The following CNTN5 variants were observed in gnomAD, a reference collection of about 807,000 sequenced individuals.
CNTN5 encodes contactin-5.
CNTN5 carries 77 observed loss-of-function variants against 129.1 expected under a neutral mutation model. The observed-to-expected ratio is 0.60, with a 90% CI of 0.50 to 0.72. The LOEUF is 0.72. Among genes scored for constraint, CNTN5 ranks in the 30% least tolerant of loss-of-function variants. The pLI, the probability that CNTN5 is intolerant of heterozygous loss-of-function variation, is 0.00. For missense variants in CNTN5, 1,478 were observed against 1,328.8 expected (o/e 1.11, Z -1.75); for synonymous variants, 509 against 465.6 (o/e 1.09, Z -1.20).
intron 7 of CNTN5, among the ~76,000 whole-genome samples, chr11:99,923,410 G>A (rs1045432687): frequency 6.6e-6 from 1 of 152,068 alleles, no homozygotes; most frequent in African/African-American, 2.4e-5. Context: ...TGTAGAAATA[G>A]CCTCATAAAA....
chr11:99,243,608 A>G (rs183184295), intron 1 of CNTN5, among the ~76,000 whole-genome samples: 3 of 152,128 alleles, frequency 2.0e-5, no homozygotes, highest in Admixed American at 2.0e-4. Context: ...TTACACTTAA[A>G]TATTTAATCT....
chr11:100,207,067 A>C (rs1948930001), intron 15 of CNTN5, among the ~76,000 whole-genome samples: 1 of 152,130 alleles, frequency 6.6e-6, no homozygotes, highest in Non-Finnish European at 1.5e-5. Flanking sequence ...TACAGCATTA[A>C]CCAGAGTATG....
Position 99,755,567 on chromosome 11 carries a change from AT to A in CNTN5, c.56-63969del, listed in dbSNP as rs551826553. Among the ~76,000 whole-genome samples, 504 of 151,018 alleles carry A rather than the reference AT, an allele frequency of 3.3e-3. 4 individuals are homozygous for A. Among genetic ancestry groups the A allele is most frequent in the African/African-American group, 0.012 (478 of 41,116 alleles). Reference sequence around the variant, plus strand: ...GATTTTTTTCTGTTTTTTAATTGGGATTTTTTTTATTAACATTTAAATGTTC... The same window carrying A: ...GATTTTTTTCTGTTTTTTAATTGGGATTTTTTTATTAACATTTAAATGTTC... On this transcript the variant is annotated intron_variant, in intron 3 of 24. Transcript: ENST00000524871.
intron 1 of CNTN5, among the ~76,000 whole-genome samples, chr11:99,262,740 G>T (rs963290443): frequency 6.6e-6 from 1 of 151,080 alleles, no homozygotes. Flanking sequence ...GTTTTTAAGG[G>T]CCCCTCTTAA....
chr11:99,791,397 G>A (rs1945737625), intron 3 of CNTN5, among the ~76,000 whole-genome samples: 1 of 152,078 alleles, frequency 6.6e-6, no homozygotes, highest in Admixed American at 6.6e-5. Context: ...TTATTGAATA[G>A]GGAGACTTTC....
rs145001653 is a variant in CNTN5, at chr11:99,668,438, C to T, written c.55+112169C>T. Among the ~76,000 whole-genome samples, 4 of 152,122 alleles carry T rather than the reference C, an allele frequency of 2.6e-5. No homozygotes were observed. In the East Asian group the frequency reaches 5.8e-4, roughly 22 times the overall value. The stretch of plus-strand genomic sequence containing the variant: ...TCATAAGGGAAGAAGTGCTGACCAG[C>T]GCCCATGGGAACGGTAATCTTTGTG... On this transcript the variant is annotated intron_variant, in intron 3 of 24. Transcript: ENST00000524871.
chr11:99,806,499 T>G (rs1591220173), intron 3 of CNTN5, among the ~76,000 whole-genome samples: 1 of 152,034 alleles, frequency 6.6e-6, no homozygotes, highest in South Asian at 2.1e-4. Flanking sequence ...TTTTTAACTT[T>G]TAATAAGAAA....
At chr11:100,287,113 G>C (rs1349884597) in intron 18 of CNTN5, among the ~76,000 whole-genome samples, 3 of 152,206 alleles carry the variant, frequency 2.0e-5, no homozygotes. Flanking sequence ...TATGTGAAAA[G>C]ACCAAATCTA....
At chr11:99,388,143 C>A (rs893284881) in intron 2 of CNTN5, among the ~76,000 whole-genome samples, 1 of 151,860 alleles carries the variant, frequency 6.6e-6, no homozygotes, top group Non-Finnish European at 1.5e-5. Flanking sequence ...TGGCTGGACG[C>A]GGGGGCTCAA....
intron 4 of CNTN5, among the ~76,000 whole-genome samples, chr11:99,832,513 C>T (rs745328822): frequency 1.9e-4 from 29 of 152,132 alleles, no homozygotes; most frequent in Admixed American, 3.9e-4. Flanking sequence ...GTTAATAAAT[C>T]GTTCTCTTCA....
At chr11:99,615,479 A>G (rs984241381) in intron 3 of CNTN5, among the ~76,000 whole-genome samples, 5 of 152,134 alleles carry the variant, frequency 3.3e-5, no homozygotes, top group Non-Finnish European at 7.4e-5. Flanking sequence ...TCCTACCTAT[A>G]TTTGGATGAA....
chr11:100,282,541 G>A lies in CNTN5; in HGVS notation c.2314+11300G>A, dbSNP rs534120192. The stretch of plus-strand genomic sequence containing the variant: ...CTGTGCTGGGTCAGACCTGAAGCCA[G>A]TCCAGCAGTCGATCTCACCTATGGC... On this transcript the variant is annotated intron_variant, in intron 18 of 24. Transcript: ENST00000524871. Among the ~76,000 whole-genome samples, 69 of 152,332 alleles carry A rather than the reference G, an allele frequency of 4.5e-4. 1 individual carries two copies. In the South Asian group the frequency reaches 5.8e-3, roughly 13 times the overall value.
At chr11:100,040,719 C>A (rs1287703158) in intron 9 of CNTN5, among the ~76,000 whole-genome samples, 1 of 152,216 alleles carries the variant, frequency 6.6e-6, no homozygotes, top group Non-Finnish European at 1.5e-5. Context: ...GCAGTTTGAT[C>A]TTGGACTGCT....
At chr11:99,370,475 T>C (rs1291404106) in intron 2 of CNTN5, among the ~76,000 whole-genome samples, 3 of 152,218 alleles carry the variant, frequency 2.0e-5, no homozygotes, top group South Asian at 2.1e-4. Flanking sequence ...TTCCAAAGTA[T>C]TGAACACGTA....
rs560045687 is a variant in CNTN5 at position 99,503,335 on chromosome 11, C to A, written c.-70-52810C>A. ...TGATCCATCTTTATTTATTGCTACA[C>A]AACTATGAATAAAGTTTGTTCCCAA... On this transcript the variant is annotated intron_variant, in intron 2 of 24. Coordinates refer to ENST00000524871, the MANE Select transcript of CNTN5 (RefSeq NM_014361.4). 2.6e-5 allele frequency among the ~76,000 whole-genome samples: 4 copies of A among 152,296 alleles called. No individual in the cohort carries two copies. The South Asian group carries it at 8.3e-4, about 32-fold the overall frequency.
At chr11:100,192,686 T>G (rs941232382) in intron 14 of CNTN5, among the ~76,000 whole-genome samples, 3 of 152,018 alleles carry the variant, frequency 2.0e-5, no homozygotes, top group African/African-American at 7.2e-5. Flanking sequence ...TGTAATCAGC[T>G]AATCACTAAC....
intron 6 of CNTN5, among the ~76,000 whole-genome samples, chr11:99,910,980 T>G (rs1281411923): frequency 6.6e-6 from 1 of 152,058 alleles, no homozygotes; most frequent in East Asian, 1.9e-4. Flanking sequence ...AAGTCAGTAT[T>G]ACAAAACTTG....
chr11:100,225,939 T>A (rs1483205883), intron 16 of CNTN5, among the ~76,000 whole-genome samples: 6 of 152,016 alleles, frequency 3.9e-5, no homozygotes, highest in African/African-American at 1.4e-4. Context: ...TGTATATGGG[T>A]TTTGGTAGTG....
At chr11:99,542,793 C>T (rs1204945485) in intron 2 of CNTN5, among the ~76,000 whole-genome samples, 1 of 152,224 alleles carries the variant, frequency 6.6e-6, no homozygotes, top group East Asian at 1.9e-4. Flanking sequence ...CACCACCCTG[C>T]TCAGTCAGTG....
Sources: allele counts gnomAD v4.1 joint callset (sites outside exome capture counted in the v4.1 genomes callset), GRCh38; gene constraint gnomAD v4.1.1; transcripts MANE v1.5; gene names NCBI Gene and HGNC (gene_info 2026-07-23, HGNC 2026-07-21).